The following PDE3A variants were observed in gnomAD, a reference collection of about 807,000 sequenced individuals.
PDE3A encodes the protein cGMP-inhibited 3',5'-cyclic phosphodiesterase 3A.
A neutral mutation model predicts 98.3 loss-of-function variants in PDE3A; 43 were observed. The observed-to-expected ratio is 0.44, with a 90% confidence interval of 0.34 to 0.56. PDE3A has a LOEUF of 0.56. Among genes scored for constraint, PDE3A ranks in the 20% least tolerant of loss-of-function variants. The pLI is 0.01. For missense variants in PDE3A, 1,427 were observed against 1,440.7 expected, an observed-to-expected ratio of 0.99 and a Z score of 0.15; for synonymous variants, 663 against 567.9, an observed-to-expected ratio of 1.17 and a Z score of -2.38.
chr12:20,606,989 G>A (rs1009270801), intron 2 of PDE3A, among the ~76,000 whole-genome samples: 1 of 151,844 alleles, frequency 6.6e-6, no homozygotes, highest in Non-Finnish European at 1.5e-5. Context: ...TGGGCCTTTG[G>A]TTTATGATGA....
intron 1 of PDE3A, among the ~76,000 whole-genome samples, chr12:20,441,540 C>A (rs896783621): frequency 1.3e-5 from 2 of 152,090 alleles, no homozygotes; most frequent in African/African-American, 4.8e-5. Context: ...TCACAGTAAA[C>A]CTAAGAAGTA....
intron 15 of PDE3A, among the ~76,000 whole-genome samples, chr12:20,661,168 C>T (rs1592157465): frequency 1.3e-5 from 2 of 152,094 alleles, no homozygotes; most frequent in African/African-American, 4.8e-5. Flanking sequence ...CAGCATTATC[C>T]CCCTGCCCTA....
intron 1 of PDE3A, among the ~76,000 whole-genome samples, chr12:20,477,522 T>C (rs1209675048): frequency 1.3e-5 from 2 of 152,162 alleles, no homozygotes; most frequent in African/African-American, 4.8e-5. Flanking sequence ...CTAGCAAAGA[T>C]GCAAAATGTT....
At chr12:20,414,870 A>C (rs1422979033) in intron 1 of PDE3A, among the ~76,000 whole-genome samples, 1 of 152,112 alleles carries the variant, frequency 6.6e-6, no homozygotes, top group Non-Finnish European at 1.5e-5. Context: ...TCAGAGCAAA[A>C]GTTTGATGTT....
intron 1 of PDE3A, among the ~76,000 whole-genome samples, chr12:20,501,971 A>G (rs1394323921): frequency 6.6e-6 from 1 of 152,144 alleles, no homozygotes; most frequent in African/African-American, 2.4e-5. Context: ...AAGCTTTCCA[A>G]TTTGTATGAA....
intron 5 of PDE3A, among the ~76,000 whole-genome samples, chr12:20,625,624 C>T (rs894620655): frequency 3.3e-5 from 5 of 151,962 alleles, no homozygotes; most frequent in Non-Finnish European, 2.9e-5. Flanking sequence ...CTTTTTTGTT[C>T]CATTAAAATT....
chr12:20,397,020 T>A (rs1321481474), intron 1 of PDE3A, among the ~76,000 whole-genome samples: 1 of 54,342 alleles, frequency 1.8e-5, no homozygotes, highest in Admixed American at 1.7e-4. Context: ...TATAGAAAAT[T>A]TTTTTTAAGC....
chr12:20,481,175 C>A (rs1945617449), intron 1 of PDE3A, among the ~76,000 whole-genome samples: 1 of 152,098 alleles, frequency 6.6e-6, no homozygotes, highest in Non-Finnish European at 1.5e-5. Context: ...TATATGTTAA[C>A]TGAGGTGTAG....
intron 1 of PDE3A, among the ~76,000 whole-genome samples, chr12:20,390,153 G>A (rs1258568238): frequency 6.6e-6 from 1 of 151,866 alleles, no homozygotes; most frequent in Non-Finnish European, 1.5e-5. Context: ...GAGTAGAGGT[G>A]GGATGCTGGG....
intron 1 of PDE3A, among the ~76,000 whole-genome samples, chr12:20,390,607 C>A (rs1406444427): frequency 6.6e-6 from 1 of 151,580 alleles, no homozygotes; most frequent in African/African-American, 2.4e-5. Flanking sequence ...AGCATCAGAT[C>A]AGTTTTTGTT....
At chr12:20,602,655 A>T (rs1484117840) in intron 2 of PDE3A, among the ~76,000 whole-genome samples, 1 of 152,150 alleles carries the variant, frequency 6.6e-6, no homozygotes, top group African/African-American at 2.4e-5. Context: ...AAGCAGTTTG[A>T]TGAAGGGCCC....
chr12:20,519,541 A>G (rs1368007445), intron 1 of PDE3A, among the ~76,000 whole-genome samples: 2 of 152,208 alleles, frequency 1.3e-5, no homozygotes, highest in African/African-American at 4.8e-5. Context: ...TATATTCATT[A>G]AGTTCTACAT....
chr12:20,618,710 T>A (rs1207493412), intron 4 of PDE3A, among the ~76,000 whole-genome samples: 1 of 152,052 alleles, frequency 6.6e-6, no homozygotes, highest in Non-Finnish European at 1.5e-5. Context: ...GATGGAAGAA[T>A]ACAAGTAGGT....
intron 1 of PDE3A, among the ~76,000 whole-genome samples, chr12:20,523,076 G>C (rs561023742): frequency 2.5e-4 from 38 of 152,068 alleles, no homozygotes; most frequent in Admixed American, 5.9e-4. Context: ...GGGGTGGGTG[G>C]CATTAGGCTA....
intron 1 of PDE3A, among the ~76,000 whole-genome samples, chr12:20,462,945 A>T (rs1555148798): frequency 6.6e-6 from 1 of 151,650 alleles, no homozygotes; most frequent in Non-Finnish European, 1.5e-5. Context: ...CTAATTTTTA[A>T]TTTTTTTGTA....
intron 2 of PDE3A, among the ~76,000 whole-genome samples, chr12:20,561,653 T>G (rs1371844394): frequency 6.6e-6 from 1 of 152,182 alleles, no homozygotes; most frequent in Non-Finnish European, 1.5e-5. Context: ...CCTTAATTAT[T>G]GCTAGGATAG....
intron 2 of PDE3A, among the ~76,000 whole-genome samples, chr12:20,569,126 A>T (rs1212000398): frequency 6.6e-6 from 1 of 152,070 alleles, no homozygotes; most frequent in Admixed American, 6.6e-5. Context: ...TAAAAAAAGT[A>T]AGATATTTTA....
intron 1 of PDE3A, among the ~76,000 whole-genome samples, chr12:20,395,082 A>G (rs946907364): frequency 7.2e-5 from 11 of 152,082 alleles, no homozygotes; most frequent in Admixed American, 4.6e-4. Context: ...GGAGGGATTC[A>G]AATACAGCGC....
At chr12:20,655,179 G>A (rs1414190079) in intron 15 of PDE3A, among the ~76,000 whole-genome samples, 1 of 152,060 alleles carries the variant, frequency 6.6e-6, no homozygotes. Flanking sequence ...ATAAAAGGAG[G>A]GAGATATGAA....
Sources: gnomAD v4.1 joint callset for allele counts (sites outside exome capture counted in the v4.1 genomes callset) on GRCh38, gnomAD v4.1.1 for gene constraint, MANE v1.5 for transcripts, NCBI Gene and HGNC (gene_info 2026-07-23, HGNC 2026-07-21) for gene names.